The following HHIPL1 variants were observed in gnomAD, a reference collection of about 807,000 sequenced individuals.
HHIPL1 encodes the protein HHIP like 1, also known as HHIP-like protein 1.
HHIPL1 carries 43 observed loss-of-function variants against 61.8 expected under a neutral mutation model. The ratio of observed to expected loss-of-function variants is 0.70; its 90% CI spans 0.55 to 0.90. The LOEUF is 0.90. Ranked by LOEUF, HHIPL1 falls within the 40% of genes least tolerant of loss-of-function variation. HHIPL1 has a pLI of 0.00. For synonymous variants in HHIPL1, 482 were observed against 515.8 expected, an observed-to-expected ratio of 0.93 and a Z score of 0.89; for missense variants, 1,056 against 1,157.7, an observed-to-expected ratio of 0.91 and a Z score of 1.28.
intron 6 of HHIPL1, among the ~76,000 whole-genome samples, chr14:99,666,300 C>G (rs1475242932): frequency 6.6e-6 from 1 of 152,220 alleles, no homozygotes; most frequent in African/African-American, 2.4e-5. Context: ...GCTTCGGAGG[C>G]AGCTTCTGAG....
In HHIPL1 at chr14:99,680,063, T is replaced by C. The variant is rs2056425793; in HGVS notation, c.*4437T>C. ...GAGACACCCTCAATATCACTGTCCCTGTTTTCCAGATGAGGGGACAGATTC... is the reference window on the plus strand; with the variant it reads ...GAGACACCCTCAATATCACTGTCCCCGTTTTCCAGATGAGGGGACAGATTC... On this transcript the variant is annotated 3_prime_UTR_variant, in exon 9 of 9. Transcript: ENST00000330710. The C allele has an allele frequency of 6.6e-6, 1 of 152,182 alleles. No individual in the cohort carries two copies. The highest frequency in any genetic ancestry group is 6.5e-5 in the Admixed American group (1 of 15,280). 9.4% of individuals were successfully genotyped at this position (152,182 alleles called of 1,614,324 possible).
At position 99,645,168 on chromosome 14, in the gene HHIPL1, G is replaced by C. The variant is rs1360931475; in HGVS notation, c.-40G>C. 7.9e-7 allele frequency: 1 copy of C among 1,258,344 alleles called. No individual in the cohort carries two copies. The highest frequency in any genetic ancestry group is 1.0e-6 in the Non-Finnish European group (1 of 1,002,198). The allele number at this position is 1,258,344 out of a possible 1,614,324, so 77.9% of individuals were successfully genotyped here. A position where few individuals can be genotyped will look rare whatever the true frequency, so the allele number is the denominator to read the frequency against. On this transcript the variant is annotated 5_prime_UTR_variant, in exon 1 of 9. Transcript: ENST00000330710. ...CGCGAGCGCCCCGGGAGGGGACCGG[G>C]GCTGCCGTCCCTCCGCCTCTTCCCC...
At chr14:99,617,300 G>T in the HHIPL1 span, among the ~76,000 whole-genome samples, 6 of 152,308 alleles carry the variant, frequency 3.9e-5, no homozygotes, top group East Asian at 1.2e-3. Context: ...TTGACCAGCT[G>T]TTAACTAAGA....
the HHIPL1 span, among the ~76,000 whole-genome samples, chr14:99,637,727 C>T: frequency 1.3e-5 from 2 of 152,156 alleles, no homozygotes; most frequent in African/African-American, 4.8e-5. Context: ...CTGAGGCTCA[C>T]GTGAGGCCAT....
At chr14:99,624,818 T>G in the HHIPL1 span, 1 of 152,272 alleles carries the variant, frequency 6.6e-6, no homozygotes, top group Admixed American at 6.5e-5. Context: ...CTTGAACCGC[T>G]GACCTTTTGC....
the HHIPL1 span, among the ~76,000 whole-genome samples, chr14:99,610,102 A>G: frequency 8.5e-5 from 13 of 152,270 alleles, no homozygotes; most frequent in East Asian, 1.5e-3. Flanking sequence ...AGAGCCATGG[A>G]AATTCTCCGC....
Position 99,652,641 on chromosome 14 carries a change from C to G in HHIPL1, c.673C>G (p.Arg225Gly), listed in dbSNP as rs770998890. ...VGLVWAYLPD[R>G]SRLGKPFLNI... ...GCTGGTGTGGGCCTACCTGCCCGACCGCTCGAGGCTGGGGAAGCCTTTCCT... is the reference window on the plus strand; with the variant it reads ...GCTGGTGTGGGCCTACCTGCCCGACGGCTCGAGGCTGGGGAAGCCTTTCCT... The change falls in exon 2 of 9, where the codon CGC becomes GGC. Residue 225 changes from arginine (R) to glycine (G), a missense_variant. Transcript: ENST00000330710. The G allele has an allele frequency of 1.2e-6, 2 of 1,613,526 alleles. No homozygotes were observed. The highest frequency in any genetic ancestry group is 3.3e-5 in the Admixed American group (2 of 59,976).
the HHIPL1 span, among the ~76,000 whole-genome samples, chr14:99,636,378 C>T: frequency 1.0e-3 from 154 of 152,276 alleles, 1 homozygote; most frequent in African/African-American, 3.6e-3. Flanking sequence ...ACATGAGGCC[C>T]GCATGACGTG....
At chr14:99,667,720 G>A (rs1411150352) in intron 6 of HHIPL1, among the ~76,000 whole-genome samples, 1 of 152,204 alleles carries the variant, frequency 6.6e-6, no homozygotes, top group Non-Finnish European at 1.5e-5. Context: ...AGCTAATGCT[G>A]ATGAAGCACA....
chr14:99,660,452 C>T lies in HHIPL1; in HGVS notation c.1502+46C>T. On this transcript the variant is annotated intron_variant, in intron 5 of 8. Coordinates refer to ENST00000330710, the MANE Select transcript of HHIPL1 (RefSeq NM_001127258.3). The surrounding 1 kb of genome is among the most constrained non-coding windows in gnomAD (Gnocchi z 4.9). Reference sequence around the variant, plus strand: ...GCGCCCCTGGCTGCTGCCACTGGCTCCTTGGGACTGGCTCCTTGGTAAAGG... The same window carrying T: ...GCGCCCCTGGCTGCTGCCACTGGCTTCTTGGGACTGGCTCCTTGGTAAAGG... 7 of 1,586,306 alleles carry T rather than the reference C, an allele frequency of 4.4e-6. No individual in the cohort carries two copies. The highest frequency in any genetic ancestry group is 6.0e-6 in the Non-Finnish European group (7 of 1,162,600).
chr14:99,652,543 G>A lies in HHIPL1; in HGVS notation c.575G>A (p.Gly192Glu). 3 of 1,613,150 alleles carry A rather than the reference G, an allele frequency of 1.9e-6. No individual in the cohort carries two copies. Among genetic ancestry groups the A allele is most frequent in the Non-Finnish European group, 2.5e-6 (3 of 1,180,002 alleles). ...LQLCLEEVAN[G>E]LRNPVAMVHA... ...CTGTGCCTGGAGGAGGTGGCCAACGGGCTGCGCAACCCCGTGGCCATGGTC... is the reference window on the plus strand; with the variant it reads ...CTGTGCCTGGAGGAGGTGGCCAACGAGCTGCGCAACCCCGTGGCCATGGTC... Residue 192 changes from glycine to glutamate, a missense_variant, in exon 2 of 9, where the codon GGG becomes GAG. Physicochemically the swap from Gly to Glu is moderately conservative, Grantham distance 98. Coordinates refer to ENST00000330710, the MANE Select transcript of HHIPL1 (RefSeq NM_001127258.3).
chr14:99,611,052 C>T, the HHIPL1 span, among the ~76,000 whole-genome samples: 1 of 152,272 alleles, frequency 6.6e-6, no homozygotes, highest in South Asian at 2.1e-4. Context: ...GCCGAATTGC[C>T]CTTGGCTAAG....
chr14:99,656,913 A>C (rs1252026720), intron 2 of HHIPL1, 87 bp from the exon 3 acceptor site: 3 of 904,556 alleles, frequency 3.3e-6, no homozygotes, highest in Admixed American at 6.1e-5. Flanking sequence ...CCATTGTGAA[A>C]TGACATCCAA....
intron 8 of HHIPL1, among the ~76,000 whole-genome samples, chr14:99,673,725 T>A (rs1181827276): frequency 6.7e-4 from 2 of 2,982 alleles, no homozygotes; most frequent in African/African-American, 3.0e-3. Flanking sequence ...GGGGTTGCAC[T>A]GAGGGGGGTG....
chr14:99,626,059 G>T, the HHIPL1 span, among the ~76,000 whole-genome samples: 4 of 152,170 alleles, frequency 2.6e-5, no homozygotes, highest in Non-Finnish European at 4.4e-5. Flanking sequence ...GCAGCCAGAG[G>T]ATCGGGCGGC....
chr14:99,671,507 G>A (rs559240604), intron 7 of HHIPL1, among the ~76,000 whole-genome samples: 98 of 152,264 alleles, frequency 6.4e-4, no homozygotes, highest in African/African-American at 2.3e-3. Flanking sequence ...AGGCCACTCC[G>A]TGTCACGTGG....
the HHIPL1 span, among the ~76,000 whole-genome samples, chr14:99,631,460 A>G: frequency 6.6e-6 from 1 of 151,328 alleles, no homozygotes; most frequent in African/African-American, 2.5e-5. Context: ...TCAGCCCGTA[A>G]CTGATCCCCT....
chr14:99,605,014 G>C, the HHIPL1 span, among the ~76,000 whole-genome samples: 1 of 152,254 alleles, frequency 6.6e-6, no homozygotes, highest in South Asian at 2.1e-4. Context: ...GCAGGGCCAG[G>C]GCCTTGCCAG....
chr14:99,675,032 C>A lies in HHIPL1; in HGVS notation c.1814-59C>A. 1.0e-6 allele frequency: 1 copy of A among 954,926 alleles called. No homozygotes were observed. 59.2% of individuals were successfully genotyped at this position (954,926 alleles called of 1,614,324 possible). On this transcript the variant is annotated intron_variant, in intron 8 of 8. Transcript: ENST00000330710. This position sits in a 1 kb window ranked among gnomAD's most constrained non-coding sequence, Gnocchi z 5.4. ...AGGTTGCAGGGCAGCACAGGGTGGGCAGCAGGGCTGGACAGGGGCGCCTGG... is the reference window on the plus strand; with the variant it reads ...AGGTTGCAGGGCAGCACAGGGTGGGAAGCAGGGCTGGACAGGGGCGCCTGG...
Sources: allele counts gnomAD v4.1 joint callset (sites outside exome capture counted in the v4.1 genomes callset), GRCh38; gene constraint gnomAD v4.1.1; non-coding constraint Gnocchi (gnomAD v3.1); transcripts MANE v1.5; gene names NCBI Gene and HGNC (gene_info 2026-07-23, HGNC 2026-07-21).